The following ADAM9 variants were observed in gnomAD, a reference collection of about 807,000 sequenced individuals.
ADAM9 encodes ADAM metallopeptidase domain 9, also known as disintegrin and metalloproteinase domain-containing protein 9.
A neutral mutation model predicts 108.1 loss-of-function variants in ADAM9; 54 were observed. The observed-to-expected ratio is 0.50, with a 90% CI of 0.40 to 0.63. The LOEUF (loss-of-function observed/expected upper bound fraction) is 0.63, where lower values mean the gene tolerates loss of function less well. Among genes scored for constraint, ADAM9 ranks in the 20% least tolerant of loss-of-function variants. The probability of loss-of-function intolerance (pLI) is 0.00; values close to 1 mark genes in which losing one functional copy is unlikely to be tolerated. For missense variants in ADAM9, 830 were observed against 997.7 expected (o/e 0.83, Z 2.26); for synonymous variants, 316 against 336.0 (o/e 0.94, Z 0.65).
chr8:39,000,823 T>C (rs1835970693), intron 1 of ADAM9, among the ~76,000 whole-genome samples: 1 of 152,180 alleles, frequency 6.6e-6, no homozygotes, highest in African/African-American at 2.4e-5. Context: ...CTTGGTCCGT[T>C]TTAAAATATG....
intron 6 of ADAM9, 91 bp downstream of exon 6, chr8:39,017,505 T>A: frequency 7.2e-7 from 1 of 1,394,250 alleles, no homozygotes; most frequent in East Asian, 2.5e-5. Context: ...GAGTAGTGTT[T>A]TTTTTTCTTT....
intron 1 of ADAM9, 28 bp from the exon 2 acceptor site, chr8:39,007,855 CTTA>C (rs761969885): frequency 1.4e-6 from 2 of 1,478,328 alleles, no homozygotes; most frequent in Non-Finnish European, 9.4e-7. Context: ...TTCAGTTTCA[CTTA>C]TTATATTTGT....
chr8:39,091,448 C>A lies in ADAM9; in HGVS notation c.2298+102C>A, dbSNP rs112085657. 725 of 1,070,936 alleles carry A rather than the reference C, an allele frequency of 6.8e-4. 4 individuals are homozygous for A. In the African/African-American group the frequency reaches 0.01, roughly 15 times the overall value. 66.3% of individuals were successfully genotyped at this position (1,070,936 alleles called of 1,614,324 possible). ...ATAGCTATAGCTAGAAACATAGATA[C>A]CTTCTTAAGAATTCAAGAGTATTGT... On this transcript the variant is annotated intron_variant, in intron 20 of 21. Coordinates refer to ENST00000487273, the MANE Select transcript of ADAM9 (RefSeq NM_003816.3).
rs1000661838 is a variant in ADAM9, at chr8:39,076,266, A to G, written c.1698-962A>G. On this transcript the variant is annotated intron_variant, in intron 15 of 21. Transcript: ENST00000487273. Reference sequence around the variant, plus strand: ...CATGAAAAGTGATTGTAGGATAGTGACCTGGTGAAGTAAGTATTTAGGAGC... The same window carrying G: ...CATGAAAAGTGATTGTAGGATAGTGGCCTGGTGAAGTAAGTATTTAGGAGC... The G allele has an allele frequency of 2.6e-5, 4 of 152,154 alleles. 1 individual carries two copies. Among genetic ancestry groups the G allele is most frequent in the African/African-American group, 9.7e-5 (4 of 41,428 alleles). The allele number at this position is 152,154 out of a possible 1,614,324, so 9.4% of individuals were successfully genotyped here.
intron 1 of ADAM9, among the ~76,000 whole-genome samples, chr8:39,001,627 G>A (rs1357616415): frequency 6.6e-6 from 1 of 151,216 alleles, no homozygotes; most frequent in Non-Finnish European, 1.5e-5. Flanking sequence ...AAGTAAGAGT[G>A]TAGACCTAGC....
Position 39,034,982 on chromosome 8 carries a change from C to T in ADAM9, c.1131-6964C>T, listed in dbSNP as rs150123495. Among the ~76,000 whole-genome samples, 137 of 152,240 alleles carry T rather than the reference C, an allele frequency of 9.0e-4. 1 individual carries two copies. Among genetic ancestry groups the T allele is most frequent in the African/African-American group, 3.1e-3 (130 of 41,544 alleles). Reference sequence around the variant, plus strand: ...TTGTGGCTTGATATTTTTCATCAGTCGGAAAATTCTCAGTCATGTCTTTAC... The same window carrying T: ...TTGTGGCTTGATATTTTTCATCAGTTGGAAAATTCTCAGTCATGTCTTTAC... On this transcript the variant is annotated intron_variant, in intron 11 of 21. Coordinates refer to ENST00000487273, the MANE Select transcript of ADAM9 (RefSeq NM_003816.3).
At chr8:39,054,803 T>C (rs1314545080) in intron 13 of ADAM9, among the ~76,000 whole-genome samples, 1 of 152,094 alleles carries the variant, frequency 6.6e-6, no homozygotes, top group Non-Finnish European at 1.5e-5. Context: ...ATTTTTAGAG[T>C]AACATATGCC....
At chr8:39,003,249 A>G (rs1280238163) in intron 1 of ADAM9, among the ~76,000 whole-genome samples, 2 of 152,180 alleles carry the variant, frequency 1.3e-5, no homozygotes, top group Non-Finnish European at 2.9e-5. Context: ...AAAAATTCAT[A>G]GAAGACAGAA....
At chr8:39,026,639 G>C (rs544298955) in intron 10 of ADAM9, 38 bp from the exon 11 acceptor site, 1 of 1,613,814 alleles carries the variant, frequency 6.2e-7, no homozygotes, top group African/African-American at 1.3e-5. Flanking sequence ...TTTTCTTTGC[G>C]TTCAGAAACC....
At chr8:39,042,484 G>T (rs1176884332) in intron 12 of ADAM9, among the ~76,000 whole-genome samples, 1 of 151,882 alleles carries the variant, frequency 6.6e-6, no homozygotes. Flanking sequence ...TTATTTAGCT[G>T]GACTCATTTT....
chr8:39,066,868 G>A (rs1838495662), intron 14 of ADAM9, among the ~76,000 whole-genome samples: 2 of 152,108 alleles, frequency 1.3e-5, no homozygotes, highest in Admixed American at 1.3e-4. Context: ...TTTCTTCTAG[G>A]GTTTGTATGA....
At chr8:39,013,702 G>A (rs997225222) in intron 3 of ADAM9, among the ~76,000 whole-genome samples, 4 of 151,858 alleles carry the variant, frequency 2.6e-5, no homozygotes, top group African/African-American at 7.3e-5. Context: ...GGGTCTCACC[G>A]TGTTGCTTAG....
chr8:39,028,950 C>T lies in ADAM9; in HGVS notation c.1130+2140C>T, dbSNP rs975782729. Among the ~76,000 whole-genome samples the T allele has an allele frequency of 2.0e-5, 3 of 152,028 alleles. No homozygotes were observed. The East Asian group carries it at 5.8e-4, about 29-fold the overall frequency. ...TGAGTTGGTATTTAAAACCACTCCC[C>T]TAAAGTCAACCCTGTGTCAAGCAGA... is the stretch of plus-strand genomic sequence containing the variant. On this transcript the variant is annotated intron_variant, in intron 11 of 21. Transcript: ENST00000487273.
At chr8:39,069,146 C>T (rs1268911898) in intron 14 of ADAM9, among the ~76,000 whole-genome samples, 1 of 151,992 alleles carries the variant, frequency 6.6e-6, no homozygotes, top group Non-Finnish European at 1.5e-5. Flanking sequence ...ATTCAGTTTT[C>T]TGAGATACAT....
intron 12 of ADAM9, among the ~76,000 whole-genome samples, chr8:39,044,886 A>ATATATATGTGTGTGCACACATATGTATG (rs1564295125): frequency 3.0e-5 from 4 of 131,570 alleles, no homozygotes; most frequent in Non-Finnish European, 4.8e-5. Context: ...ATATATATGT[A>ATATATATGTGTGTGCACACATATGTATG]TATATATGTG....
chr8:39,085,143 A>G (rs1314551983), intron 18 of ADAM9, among the ~76,000 whole-genome samples: 1 of 152,080 alleles, frequency 6.6e-6, no homozygotes, highest in Non-Finnish European at 1.5e-5. Flanking sequence ...CTGTCTTTCA[A>G]TTAAGTTGTT....
intron 12 of ADAM9, among the ~76,000 whole-genome samples, chr8:39,045,375 T>C (rs114563394): frequency 0.18 from 2,969 of 16,712 alleles, 413 homozygotes; most frequent in African/African-American, 0.21. Context: ...TGTGTGTACA[T>C]ACACCTATAG....
intron 18 of ADAM9, among the ~76,000 whole-genome samples, chr8:39,088,511 C>G (rs1839246868): frequency 6.6e-6 from 1 of 152,052 alleles, no homozygotes; most frequent in Non-Finnish European, 1.5e-5. Context: ...CCTGCCTCGG[C>G]CTCCCAAAGC....
intron 14 of ADAM9, among the ~76,000 whole-genome samples, chr8:39,059,311 A>G (rs1310850596): frequency 6.6e-6 from 1 of 152,216 alleles, no homozygotes; most frequent in Non-Finnish European, 1.5e-5. Context: ...GGAAAGGGAA[A>G]AATGTAATCA....
Sources: gnomAD v4.1 joint callset for allele counts (sites outside exome capture counted in the v4.1 genomes callset) on GRCh38, gnomAD v4.1.1 for gene constraint, MANE v1.5 for transcripts, NCBI Gene and HGNC (gene_info 2026-07-23, HGNC 2026-07-21) for gene names.